FYN: variants seen among roughly 807,000 people sequenced by gnomAD.
FYN encodes tyrosine-protein kinase Fyn.
In FYN, 10 loss-of-function variants were observed where a neutral mutation model predicts 70.2. The observed-to-expected ratio is 0.14, with a 90% confidence interval of 0.09 to 0.24. The LOEUF is 0.24. Among genes scored for constraint, FYN ranks in the 10% least tolerant of loss-of-function variants. The pLI is 1.00. For missense variants in FYN, 319 were observed against 673.1 expected (o/e 0.47, Z 5.82); for synonymous variants, 236 against 248.6 (o/e 0.95, Z 0.48).
intron 3 of FYN, among the ~76,000 whole-genome samples, chr6:111,761,330 G>A (rs1054066830): frequency 6.6e-6 from 1 of 152,194 alleles, no homozygotes; most frequent in African/African-American, 2.4e-5. Flanking sequence ...AGGTCTGATT[G>A]CAAAGCCTGT....
At chr6:111,800,198 A>T (rs1251752949) in intron 2 of FYN, among the ~76,000 whole-genome samples, 5 of 152,200 alleles carry the variant, frequency 3.3e-5, no homozygotes, top group Admixed American at 3.3e-4. Context: ...TTATATACAC[A>T]TCAATGAGAG....
At chr6:111,809,014 C>T (rs968899940) in intron 2 of FYN, among the ~76,000 whole-genome samples, 4 of 152,180 alleles carry the variant, frequency 2.6e-5, no homozygotes, top group South Asian at 2.1e-4. Flanking sequence ...GCCCCCATTG[C>T]TTTTTTCCTA....
At chr6:111,769,730 A>T (rs1017742276) in intron 3 of FYN, among the ~76,000 whole-genome samples, 3 of 150,756 alleles carry the variant, frequency 2.0e-5, no homozygotes, top group African/African-American at 7.4e-5. Context: ...AGAATGAATT[A>T]AAAAAAAACA....
Position 111,668,697 on chromosome 6 carries a change from G to T in FYN, c.1405+5802C>A, listed in dbSNP as rs59885037. 2.6e-5 allele frequency among the ~76,000 whole-genome samples: 4 copies of T among 152,212 alleles called. No homozygotes were observed. The South Asian group carries it at 8.3e-4, about 32-fold the overall frequency. The stretch of plus-strand genomic sequence containing the variant: ...CTCTCACTAGACATGCTGGCCAAGA[G>T]AAATCTTGTAGAAGGAGGTGACAGC... On this transcript the variant is annotated intron_variant, in intron 13 of 13. Transcript: ENST00000354650.
At chr6:111,865,849 T>A (rs1774089301) in intron 1 of FYN, among the ~76,000 whole-genome samples, 1 of 152,222 alleles carries the variant, frequency 6.6e-6, no homozygotes, top group African/African-American at 2.4e-5. Context: ...GAAACCCTTT[T>A]ACAGGGTTAA....
intron 3 of FYN, among the ~76,000 whole-genome samples, chr6:111,771,339 C>G (rs1467122429): frequency 6.6e-6 from 1 of 152,218 alleles, no homozygotes; most frequent in Non-Finnish European, 1.5e-5. Flanking sequence ...CAAAATCCTA[C>G]AGATGATATG....
intron 3 of FYN, among the ~76,000 whole-genome samples, chr6:111,778,327 C>T (rs1480076494): frequency 6.6e-6 from 1 of 152,200 alleles, no homozygotes; most frequent in Non-Finnish European, 1.5e-5. Flanking sequence ...AGTGGACTTA[C>T]TTCGAAGGTG....
At chr6:111,820,509 A>T (rs1212873925) in intron 2 of FYN, among the ~76,000 whole-genome samples, 1 of 152,186 alleles carries the variant, frequency 6.6e-6, no homozygotes, top group Admixed American at 6.5e-5. Context: ...ACTGTACCTT[A>T]TAAAAATTAT....
intron 2 of FYN, among the ~76,000 whole-genome samples, chr6:111,834,219 G>A (rs1045120313): frequency 1.3e-5 from 2 of 152,162 alleles, no homozygotes; most frequent in African/African-American, 4.8e-5. Context: ...AAGGAGAAGG[G>A]TGTGGAGAGT....
At chr6:111,824,174 T>C (rs1772761671) in intron 2 of FYN, among the ~76,000 whole-genome samples, 1 of 152,218 alleles carries the variant, frequency 6.6e-6, no homozygotes, top group Admixed American at 6.5e-5. Flanking sequence ...AAAACATCTT[T>C]TGCAAGATGT....
intron 3 of FYN, among the ~76,000 whole-genome samples, chr6:111,769,404 C>G (rs1389707694): frequency 6.6e-6 from 1 of 152,204 alleles, no homozygotes; most frequent in Non-Finnish European, 1.5e-5. Context: ...ATTCTTTTGT[C>G]ATTTTCTCCC....
At chr6:111,861,504 T>TTC (rs556043095) in intron 1 of FYN, among the ~76,000 whole-genome samples, 173 of 152,274 alleles carry the variant, frequency 1.1e-3, no homozygotes, top group African/African-American at 3.9e-3. Flanking sequence ...AATCCACCAC[T>TTC]GCTTCTCGAA....
At chr6:111,819,895 C>T (rs558953000) in intron 2 of FYN, 1 of 152,276 alleles carries the variant, frequency 6.6e-6, no homozygotes, top group South Asian at 2.1e-4. Context: ...GGCGATAAGA[C>T]AGTTATTAAG....
At chr6:111,697,793 T>C (rs1056729768) in intron 9 of FYN, among the ~76,000 whole-genome samples, 10 of 152,216 alleles carry the variant, frequency 6.6e-5, no homozygotes, top group African/African-American at 1.9e-4. Flanking sequence ...ATGTGAACAG[T>C]ATATGTAATG....
chr6:111,708,259 G>T (rs1488322540), intron 5 of FYN: 2 of 414,098 alleles, frequency 4.8e-6, no homozygotes, highest in Non-Finnish European at 8.9e-6. Context: ...TTAAGAATGT[G>T]GAATCCTGGC....
At chr6:111,697,927 T>C (rs552553897) in intron 9 of FYN, among the ~76,000 whole-genome samples, 22 of 152,096 alleles carry the variant, frequency 1.4e-4, no homozygotes, top group Middle Eastern at 3.4e-3. Flanking sequence ...AAGAAGGAGG[T>C]CATATATTTT....
chr6:111,681,801 T>A (rs1435141040), intron 12 of FYN, among the ~76,000 whole-genome samples: 1 of 151,878 alleles, frequency 6.6e-6, no homozygotes, highest in Non-Finnish European at 1.5e-5. Context: ...GCACATGAGG[T>A]GGATGCCAGC....
intron 3 of FYN, among the ~76,000 whole-genome samples, chr6:111,737,931 A>AAT (rs1381115897): frequency 6.6e-6 from 1 of 152,172 alleles, no homozygotes; most frequent in African/African-American, 2.4e-5. Flanking sequence ...TAAAAAAACA[A>AAT]ATAAACAAAT....
intron 2 of FYN, among the ~76,000 whole-genome samples, chr6:111,816,735 A>G (rs1034317599): frequency 2.6e-5 from 4 of 152,262 alleles, no homozygotes; most frequent in Admixed American, 2.0e-4. Context: ...TGTTTAGGCA[A>G]TAAATACAGA....
Sources: gnomAD v4.1 joint callset for allele counts (sites outside exome capture counted in the v4.1 genomes callset) on GRCh38, gnomAD v4.1.1 for gene constraint, MANE v1.5 for transcripts, NCBI Gene and HGNC (gene_info 2026-07-23, HGNC 2026-07-21) for gene names.